The following FSD1L variants were observed in gnomAD, a reference collection of about 807,000 sequenced individuals.
FSD1L encodes fibronectin type III and SPRY domain containing 1 like.
In FSD1L, 45 loss-of-function variants were observed where a neutral mutation model predicts 71.6. That is an observed-to-expected ratio of 0.63 (90% CI 0.49 to 0.81). The LOEUF (loss-of-function observed/expected upper bound fraction) is 0.81. Ranked by LOEUF, FSD1L falls within the 30% of genes least tolerant of loss-of-function variation. The pLI, the probability that FSD1L is intolerant of heterozygous loss-of-function variation, is 0.00. For missense variants in FSD1L, 561 were observed against 618.1 expected (o/e 0.91, Z 0.98); for synonymous variants, 197 against 207.2 (o/e 0.95, Z 0.42).
At chr9:105,490,520 G>T (rs181867636) in intron 7 of FSD1L, among the ~76,000 whole-genome samples, 2,588 of 150,192 alleles carry the variant, frequency 0.017, 46 homozygotes, top group African/African-American at 0.051. Context: ...TTAGATCCCA[G>T]TTGTCAATTT....
the FSD1L span, among the ~76,000 whole-genome samples, chr9:105,442,311 G>T: frequency 2.0e-5 from 3 of 152,120 alleles, no homozygotes; most frequent in Non-Finnish European, 2.9e-5. Context: ...TTACAAAACT[G>T]AGTCAGAAAG....
At chr9:105,470,092 ACTGT>A (rs1463775614) in intron 4 of FSD1L, among the ~76,000 whole-genome samples, 1 of 152,014 alleles carries the variant, frequency 6.6e-6, no homozygotes, top group Admixed American at 6.6e-5. Context: ...TAATTTCAGG[ACTGT>A]CTGTTTTGTT....
rs1215236059 is a variant in FSD1L, at chr9:105,495,867, C to T, written c.587-10532C>T. Among the ~76,000 whole-genome samples, 5 of 151,572 alleles carry T rather than the reference C, an allele frequency of 3.3e-5. No individual in the cohort carries two copies. In the East Asian group the frequency reaches 5.9e-4, roughly 18 times the overall value. On this transcript the variant is annotated intron_variant, in intron 7 of 13. Transcript: ENST00000481272. Reference sequence around the variant, plus strand: ...ATGGGCGCATGTAGTCCCAGCTCCTCGGGAGGCTGAGGCAGAATGGCATGA... The same window carrying T: ...ATGGGCGCATGTAGTCCCAGCTCCTTGGGAGGCTGAGGCAGAATGGCATGA...
intron 3 of FSD1L, among the ~76,000 whole-genome samples, chr9:105,467,155 T>A (rs1056467234): frequency 1.6e-4 from 24 of 152,212 alleles, no homozygotes; most frequent in Admixed American, 6.5e-5. Context: ...ACATTCCACT[T>A]CTATAGTTGT....
intron 5 of FSD1L, 89 bp downstream of exon 5, chr9:105,472,094 A>C: frequency 7.5e-7 from 1 of 1,325,582 alleles, no homozygotes; most frequent in Non-Finnish European, 9.8e-7. Context: ...GGATTTCTTT[A>C]CTGATTTCTA....
In FSD1L at chr9:105,512,488, A is replaced by C. The variant is rs114713468; in HGVS notation, c.896-319A>C. ...AGTCATAACAGTCAACTGATATCCT[A>C]ATAACAGGAAATTTAGGTTACTGTG... is the stretch of plus-strand genomic sequence containing the variant. On this transcript the variant is annotated intron_variant, in intron 9 of 13. Transcript: ENST00000481272. Among the ~76,000 whole-genome samples the C allele has an allele frequency of 6.3e-3, 965 of 152,276 alleles. 16 individuals are homozygous for C. The highest frequency in any genetic ancestry group is 0.022 in the African/African-American group (916 of 41,586).
intron 7 of FSD1L, among the ~76,000 whole-genome samples, chr9:105,492,296 G>A (rs980556322): frequency 3.3e-5 from 5 of 152,094 alleles, no homozygotes; most frequent in Non-Finnish European, 7.4e-5. Flanking sequence ...AGAGGTGTTT[G>A]TAGTATTCTC....
At chr9:105,537,249 G>A (rs1836328376) in intron 12 of FSD1L, among the ~76,000 whole-genome samples, 1 of 152,046 alleles carries the variant, frequency 6.6e-6, no homozygotes, top group East Asian at 1.9e-4. Flanking sequence ...TATTATTTTA[G>A]TAATATTGTG....
chr9:105,490,332 G>A (rs201900198), intron 7 of FSD1L, among the ~76,000 whole-genome samples: 16,589 of 151,840 alleles, frequency 0.11, 1,143 homozygotes, highest in Admixed American at 0.21. Flanking sequence ...CATGTCCTTC[G>A]CCCACTTTTT....
At chr9:105,472,320 C>CA (rs1347945276) in intron 5 of FSD1L, 3 of 266,256 alleles carry the variant, frequency 1.1e-5, no homozygotes, top group African/African-American at 6.5e-5. Context: ...TAAATGCCCC[C>CA]ACTGCTTAAT....
At chr9:105,465,928 A>G (rs1264898735) in intron 3 of FSD1L, among the ~76,000 whole-genome samples, 1 of 151,770 alleles carries the variant, frequency 6.6e-6, no homozygotes, top group Non-Finnish European at 1.5e-5. Context: ...ATGGAGTGCA[A>G]TGCCGCAGTC....
chr9:105,538,135 A>G (rs1428959728), intron 12 of FSD1L, among the ~76,000 whole-genome samples: 1 of 152,222 alleles, frequency 6.6e-6, no homozygotes, highest in Non-Finnish European at 1.5e-5. Flanking sequence ...TCAGCAGTTA[A>G]GTAGAGCTGA....
chr9:105,443,165 G>C (rs1031033925), upstream of FSD1L, among the ~76,000 whole-genome samples: 1 of 152,226 alleles, frequency 6.6e-6, no homozygotes, highest in Non-Finnish European at 1.5e-5. Context: ...CTTTCCGTCT[G>C]TATTAGTCTG....
rs537211442 is a variant in FSD1L at position 105,478,113 on chromosome 9, C to T, written c.442-1241C>T. On this transcript the variant is annotated intron_variant, in intron 5 of 13. Transcript: ENST00000481272. ...CAAAAAAATTTGCCGGGCGTGGTGG[C>T]GGGTCCCTGTAGTCCCAGCTACTTG... 9.9e-5 allele frequency among the ~76,000 whole-genome samples: 15 copies of T among 152,170 alleles called. No homozygotes were observed. The South Asian group carries it at 2.3e-3, about 23-fold the overall frequency.
intron 1 of FSD1L, among the ~76,000 whole-genome samples, chr9:105,458,363 T>C (rs1830482572): frequency 6.6e-6 from 1 of 152,108 alleles, no homozygotes; most frequent in African/African-American, 2.4e-5. Context: ...GCCAGGAAAG[T>C]GTTACAGCCC....
intron 10 of FSD1L, among the ~76,000 whole-genome samples, chr9:105,533,416 C>CTTTTTTTTTTTTTTTGTTTTTTTTTT (rs1836037041): frequency 3.4e-5 from 1 of 29,070 alleles, no homozygotes; most frequent in African/African-American, 1.3e-4. Context: ...CCATTTCCAT[C>CTTTTTTTTTTTTTTTGTTTTTTTTTT]TTTTTTTTTT....
intron 1 of FSD1L, among the ~76,000 whole-genome samples, chr9:105,457,864 G>A (rs1032097378): frequency 2.0e-5 from 3 of 152,270 alleles, no homozygotes; most frequent in Non-Finnish European, 4.4e-5. Flanking sequence ...CACTGGCACA[G>A]TCACTGGCTC....
In FSD1L at chr9:105,546,403, A is replaced by G; in HGVS notation, c.1513A>G (p.Ser505Gly). 1.3e-6 allele frequency: 2 copies of G among 1,550,354 alleles called. No individual in the cohort carries two copies. The highest frequency in any genetic ancestry group is 1.7e-6 in the Non-Finnish European group (2 of 1,146,136). The change falls in exon 14 of 14, where the codon AGT becomes GGT. Residue 505 changes from serine to glycine, a missense_variant. Ser to Gly is a moderately conservative substitution (Grantham distance 56). This residue lies in a region of FSD1L where 98 missense variants were observed against 102.3 expected (regional missense o/e 0.96). Coordinates refer to ENST00000481272, the MANE Select transcript of FSD1L (RefSeq NM_001145313.3). The stretch of plus-strand genomic sequence containing the variant: ...TTTGAGTACTGGGATGCAGGTTCCA[A>G]GTGCTGTGAGAACACTTCAGAAAAG... ...LSLSTGMQVP[S>G]AVRTLQKSEN... is the part of the protein sequence containing the mutation.
chr9:105,508,925 A>G (rs545299104), intron 9 of FSD1L, among the ~76,000 whole-genome samples: 30 of 152,348 alleles, frequency 2.0e-4, no homozygotes, highest in Non-Finnish European at 3.7e-4. Context: ...TTATACAGAT[A>G]AAATAGACTG....
Sources: gnomAD v4.1 joint callset for allele counts (sites outside exome capture counted in the v4.1 genomes callset) on GRCh38, gnomAD v4.1.1 for gene constraint, gnomAD v4.1.1 regional missense constraint, MANE v1.5 for transcripts, NCBI Gene and HGNC (gene_info 2026-07-23, HGNC 2026-07-21) for gene names.